NBDY: variants seen among roughly 807,000 people sequenced by gnomAD.
The protein encoded by NBDY is negative regulator of P-body association, also known as P-body dissociating protein.
At chrX:56,746,298 A>G (rs1030483513) in intron 2 of NBDY, among the ~76,000 whole-genome samples, 2 of 108,705 alleles carry the variant, frequency 1.8e-5, no homozygotes, top group African/African-American at 6.7e-5. Context: ...TTCTCATACT[A>G]CTCTATATTG....
At chrX:56,781,659 C>A (rs1258682136) in intron 2 of NBDY, among the ~76,000 whole-genome samples, 2 of 111,696 alleles carry the variant, frequency 1.8e-5, no homozygotes, top group Admixed American at 9.5e-5. Context: ...TTTTCGTCCG[C>A]TTCTGTTTAT....
chrX:56,807,766 G>A (rs1040234904), intron 2 of NBDY, among the ~76,000 whole-genome samples: 2 of 112,047 alleles, frequency 1.8e-5, no homozygotes, highest in Non-Finnish European at 3.8e-5. Context: ...TGCAAACAGA[G>A]ACAATTTGAC....
chrX:56,756,875 G>A (rs547828560), intron 2 of NBDY, among the ~76,000 whole-genome samples: 1 of 110,739 alleles, frequency 9.0e-6, no homozygotes, highest in East Asian at 2.8e-4. Context: ...AGAATCACTT[G>A]AACCAGGAGG....
Position 56,787,063 on chromosome X carries a change from CT to C in NBDY, c.*167-30251del, listed in dbSNP as rs1374180948. On this transcript the variant is annotated intron_variant, in intron 2 of 2. Transcript: ENST00000374922. ...GATTTGTCAAGTTGTCATCTCTCTC[CT>C]TTTTTCCAGTCCAGCCATGTGAACA... Among the ~76,000 whole-genome samples, 14 of 111,141 alleles carry C rather than the reference CT, an allele frequency of 1.3e-4. No homozygotes were observed. The East Asian group carries it at 4.0e-3, about 31-fold the overall frequency.
intron 2 of NBDY, among the ~76,000 whole-genome samples, chrX:56,746,660 T>C (rs2069559592): frequency 9.1e-6 from 1 of 110,078 alleles, no homozygotes; most frequent in South Asian, 4.0e-4. Context: ...ACTGTAGATC[T>C]GAGATCTGTA....
chrX:56,808,341 C>T (rs1384271175), intron 2 of NBDY, among the ~76,000 whole-genome samples: 1 of 111,651 alleles, frequency 9.0e-6, no homozygotes, highest in Non-Finnish European at 1.9e-5. Flanking sequence ...GGTACCAGCT[C>T]CTCTTTGTAC....
intron 2 of NBDY, among the ~76,000 whole-genome samples, chrX:56,800,324 A>AT (rs2069815634): frequency 2.7e-5 from 3 of 112,181 alleles, no homozygotes; most frequent in African/African-American, 3.2e-5. Flanking sequence ...TCACACTCAG[A>AT]TCCCCACATC....
intron 2 of NBDY, among the ~76,000 whole-genome samples, chrX:56,816,384 A>C (rs2069910983): frequency 9.0e-6 from 1 of 111,379 alleles, no homozygotes; most frequent in South Asian, 3.7e-4. Context: ...CTCTATCGTA[A>C]TTTTAATGTT....
chrX:56,736,176 C>A (rs2069490005), intron 2 of NBDY, among the ~76,000 whole-genome samples: 1 of 112,260 alleles, frequency 8.9e-6, no homozygotes, highest in Non-Finnish European at 1.9e-5. Context: ...CCTACTGTTC[C>A]TTCTCTACTA....
At chrX:56,744,804 G>A (rs981737708) in intron 2 of NBDY, among the ~76,000 whole-genome samples, 1 of 111,005 alleles carries the variant, frequency 9.0e-6, no homozygotes, top group Non-Finnish European at 1.9e-5. Flanking sequence ...ACATACATAT[G>A]TATGATAAAG....
chrX:56,747,040 G>A (rs2069561453), intron 2 of NBDY, among the ~76,000 whole-genome samples: 1 of 111,807 alleles, frequency 8.9e-6, no homozygotes, highest in Non-Finnish European at 1.9e-5. Context: ...ATTGTGGTGT[G>A]GACATCTTTG....
chrX:56,765,412 G>A (rs1004665839), intron 2 of NBDY, among the ~76,000 whole-genome samples: 3 of 112,505 alleles, frequency 2.7e-5, no homozygotes, highest in African/African-American at 3.2e-5. Flanking sequence ...GGTTCAGCCA[G>A]CACCTGTGTT....
At chrX:56,811,722 C>T (rs746115566) in intron 2 of NBDY, among the ~76,000 whole-genome samples, 5 of 111,953 alleles carry the variant, frequency 4.5e-5, no homozygotes, top group African/African-American at 1.3e-4. Flanking sequence ...CGAGCCAGAC[C>T]GGTTGGCCCC....
At chrX:56,734,985 C>T (rs2069479368) in intron 2 of NBDY, among the ~76,000 whole-genome samples, 2 of 111,928 alleles carry the variant, frequency 1.8e-5, no homozygotes, top group Admixed American at 1.9e-4. Context: ...TAAAGCACTA[C>T]ACAGTGAGCA....
intron 2 of NBDY, among the ~76,000 whole-genome samples, chrX:56,748,412 A>G (rs1221598177): frequency 2.7e-5 from 3 of 111,129 alleles, no homozygotes; most frequent in Admixed American, 9.6e-5. Context: ...CCTGGCAAGC[A>G]GGTAAAGATC....
At chrX:56,811,943 T>C (rs764819622) in intron 2 of NBDY, among the ~76,000 whole-genome samples, 46 of 111,844 alleles carry the variant, frequency 4.1e-4, no homozygotes, top group African/African-American at 1.3e-3. Flanking sequence ...ATGGGAAAAG[T>C]GCAGTGTCTG....
chrX:56,766,136 C>T (rs940710837), intron 2 of NBDY, among the ~76,000 whole-genome samples: 13 of 112,685 alleles, frequency 1.2e-4, no homozygotes, highest in African/African-American at 3.2e-4. Flanking sequence ...CATTCTCCTT[C>T]TGGATGCTGT....
At chrX:56,811,976 C>T (rs1239647465) in intron 2 of NBDY, among the ~76,000 whole-genome samples, 2 of 110,977 alleles carry the variant, frequency 1.8e-5, no homozygotes, top group African/African-American at 6.6e-5. Flanking sequence ...TGGTATAGTC[C>T]CTAATGGCTT....
chrX:56,788,314 C>T (rs2069741725), intron 2 of NBDY, among the ~76,000 whole-genome samples: 1 of 112,969 alleles, frequency 8.9e-6, no homozygotes, highest in South Asian at 3.6e-4. Context: ...TTGTAGTTGG[C>T]ATTTGTGGAG....
Sources: gnomAD v4.1 joint callset for allele counts (sites outside exome capture counted in the v4.1 genomes callset) on GRCh38, gnomAD v4.1.1 for gene constraint, MANE v1.5 for transcripts, NCBI Gene and HGNC (gene_info 2026-07-23, HGNC 2026-07-21) for gene names.